The following MYH15 variants were observed in gnomAD, a reference collection of about 807,000 sequenced individuals.
The protein encoded by MYH15 is myosin-15.
Under a neutral mutation model 240.5 loss-of-function variants are expected in MYH15, and 227 were observed. That is an observed-to-expected ratio of 0.94 (90% CI 0.85 to 1.05). The LOEUF (loss-of-function observed/expected upper bound fraction) is 1.05. MYH15 is among the 50% of genes least tolerant of loss of function. The pLI is 0.00. For synonymous variants in MYH15, 785 were observed against 796.7 expected (o/e 0.99, Z 0.25); for missense variants, 2,217 against 2,247.5 (o/e 0.99, Z 0.27).
chr3:108,433,874 C>T (rs1167172015), intron 25 of MYH15, among the ~76,000 whole-genome samples: 1 of 152,082 alleles, frequency 6.6e-6, no homozygotes, highest in Non-Finnish European at 1.5e-5. Context: ...TAATGTCATA[C>T]CCAATCCCTG....
intron 35 of MYH15, among the ~76,000 whole-genome samples, chr3:108,396,747 A>G (rs1560314862): frequency 6.6e-6 from 1 of 152,244 alleles, no homozygotes; most frequent in East Asian, 1.9e-4. Context: ...CCTACAGACT[A>G]TTTGTTCTAT....
chr3:108,386,751 A>T (rs2082386708), intron 38 of MYH15, among the ~76,000 whole-genome samples: 3 of 152,000 alleles, frequency 2.0e-5, no homozygotes, highest in African/African-American at 2.4e-5. Flanking sequence ...TGGTTCCTAG[A>T]GAACCCTCTC....
intron 21 of MYH15, among the ~76,000 whole-genome samples, chr3:108,446,670 C>G (rs1038474145): frequency 6.6e-6 from 1 of 152,172 alleles, no homozygotes; most frequent in Non-Finnish European, 1.5e-5. Context: ...AATGCACAAA[C>G]AAACTGGACA....
upstream of MYH15, among the ~76,000 whole-genome samples, chr3:108,513,303 T>C (rs766725861): frequency 1.3e-5 from 2 of 152,178 alleles, no homozygotes; most frequent in Non-Finnish European, 2.9e-5. Flanking sequence ...CACATGTTTA[T>C]CGGAGAATTC....
At chr3:108,537,452 G>A in the MYH15 span, among the ~76,000 whole-genome samples, 1 of 152,200 alleles carries the variant, frequency 6.6e-6, no homozygotes, top group Non-Finnish European at 1.5e-5. Context: ...GGCCTTCAGG[G>A]TGATGATTAA....
intron 27 of MYH15, among the ~76,000 whole-genome samples, 174 bp from the exon 28 acceptor site, chr3:108,421,388 T>C (rs986680846): frequency 7.2e-5 from 11 of 152,160 alleles, no homozygotes; most frequent in Admixed American, 1.3e-4. Context: ...CAATTAACTC[T>C]AGGGTCTGGA....
Position 108,399,338 on chromosome 3 carries a change from A to C in MYH15, c.4737-71T>G, listed in dbSNP as rs1053941862. 4 of 1,231,874 alleles carry C rather than the reference A, an allele frequency of 3.2e-6. No homozygotes were observed. The African/African-American group carries it at 6.1e-5, about 19-fold the overall frequency. The allele number at this position is 1,231,874 out of a possible 1,614,324, so 76.3% of individuals were successfully genotyped here. A position where few individuals can be genotyped will look rare whatever the true frequency, so the allele number is the denominator to read the frequency against. ...TTAATCAAATTCACCTGCTATGTTT[A>C]AAACAGTACAAGAAACAGAAAAAGA... is the stretch of plus-strand genomic sequence containing the variant. On this transcript the variant is annotated intron_variant, in intron 33 of 40. Transcript: ENST00000693548.
In MYH15 at chr3:108,468,672, C is replaced by T. The variant is rs150449946; in HGVS notation, c.1554+1370G>A. 5.3e-5 allele frequency among the ~76,000 whole-genome samples: 8 copies of T among 152,228 alleles called. No individual in the cohort carries two copies. In the South Asian group the frequency reaches 8.3e-4, roughly 16 times the overall value. ...AGAAAATACAACAGGAAATTACATCCGTGATGCTAGTGTGTTATTTGGAAT... is the reference window on the plus strand; with the variant it reads ...AGAAAATACAACAGGAAATTACATCTGTGATGCTAGTGTGTTATTTGGAAT... On this transcript the variant is annotated intron_variant, in intron 14 of 40. Transcript: ENST00000693548.
chr3:108,471,749 T>C (rs529928244), intron 12 of MYH15, among the ~76,000 whole-genome samples: 10 of 152,288 alleles, frequency 6.6e-5, no homozygotes, highest in African/African-American at 2.2e-4. Flanking sequence ...CTCTCCCCTG[T>C]TGCAATATAT....
At position 108,522,097 on chromosome 3, in the gene MYH15, C is replaced by T. The variant is rs116567536; in HGVS notation, c.-58+7166G>A. Among the ~76,000 whole-genome samples the T allele has an allele frequency of 4.4e-3, 675 of 152,114 alleles. 8 individuals carry two copies. Among genetic ancestry groups the T allele is most frequent in the African/African-American group, 0.015 (618 of 41,492 alleles). ...CTGTTAATAGTAATAAGCCTGTTTC[C>T]ATTTTTGAAAGGTTGGGAGGGACAT... is the stretch of plus-strand genomic sequence containing the variant. On this transcript the variant is annotated intron_variant, in intron 1 of 41. Coordinates refer to the MYH15 transcript ENST00000273353.
rs200731611 is a variant in MYH15 at position 108,454,080 on chromosome 3, T to C, written c.2325A>G (p.Lys775=). The C allele has an allele frequency of 6.2e-6, 10 of 1,612,894 alleles. No homozygotes were observed. Among genetic ancestry groups the C allele is most frequent in the Non-Finnish European group, 8.5e-6 (10 of 1,179,278 alleles). ...LEAIRDERLS[K]VFTLFQARAQ... is the part of the protein sequence containing the mutation. ...CTCTGGCTTGGAACAATGTGAAGAC[T>C]TTAGATAGTCTCTCATCTCTTATTG... The change falls in exon 21 of 41, where the codon AAA becomes AAG. Residue 775 remains lysine (K), a synonymous_variant. Coordinates refer to ENST00000693548, the MANE Select transcript of MYH15 (RefSeq NM_014981.3).
intron 2 of MYH15, among the ~76,000 whole-genome samples, chr3:108,503,936 A>G (rs2107242091): frequency 6.6e-6 from 1 of 152,380 alleles, no homozygotes; most frequent in East Asian, 1.9e-4. Context: ...ACAACATGGT[A>G]TATCCATATA....
intron 29 of MYH15, among the ~76,000 whole-genome samples, chr3:108,415,512 T>C (rs1020121936): frequency 2.0e-5 from 3 of 152,134 alleles, no homozygotes; most frequent in South Asian, 2.1e-4. Context: ...TATTTAATTA[T>C]AGAAGTAAAC....
intron 36 of MYH15, 77 bp from the exon 37 acceptor site, chr3:108,392,007 C>T (rs1041456131): frequency 1.1e-5 from 16 of 1,509,496 alleles, no homozygotes; most frequent in East Asian, 2.3e-5. Context: ...ATCTTTAGTT[C>T]CTGGTCTGAC....
At chr3:108,517,149 AT>A (rs2083579977) in intron 1 of MYH15, among the ~76,000 whole-genome samples, 1 of 152,132 alleles carries the variant, frequency 6.6e-6, no homozygotes, top group Non-Finnish European at 1.5e-5. Context: ...CACAATACAA[AT>A]TGTGAGTATC....
chr3:108,501,890 C>G (rs748144805), intron 2 of MYH15, 35 bp from the exon 3 acceptor site: 41 of 1,601,708 alleles, frequency 2.6e-5, no homozygotes, highest in Non-Finnish European at 3.4e-5. Context: ...ATATATTCCC[C>G]TGTCTCCTAT....
chr3:108,528,413 T>C (rs1024945615), intron 1 of MYH15, among the ~76,000 whole-genome samples: 1 of 152,200 alleles, frequency 6.6e-6, no homozygotes, highest in African/African-American at 2.4e-5. Context: ...TTAAACTTCT[T>C]GCAATAGTCT....
chr3:108,510,452 C>T lies in MYH15; in HGVS notation c.79G>A (p.Ala27Thr). Reference protein sequence around the residue: ...EAELLLLQATALDGKKKCWIP... With the variant: ...EAELLLLQATTLDGKKKCWIP... ...CCACCACATGTCTCACCATCCAAGG[C>T]TGTGGCCTGTAGTAGAAGCAGCTCA... The change falls in exon 1 of 41, where the codon GCC becomes ACC. Residue 27 changes from alanine to threonine, a missense_variant. Physicochemically the swap from Ala to Thr is moderately conservative, Grantham distance 58. Coordinates refer to ENST00000693548, the MANE Select transcript of MYH15 (RefSeq NM_014981.3). 6.2e-7 allele frequency: 1 copy of T among 1,610,944 alleles called. No homozygotes were observed. Among genetic ancestry groups the T allele is most frequent in the Non-Finnish European group, 8.5e-7 (1 of 1,178,958 alleles).
In MYH15 at chr3:108,470,832, C is replaced by G. The variant is rs781328238; in HGVS notation, c.1249G>C (p.Gly417Arg). 3 of 1,613,336 alleles carry G rather than the reference C, an allele frequency of 1.9e-6. No homozygotes were observed. Among genetic ancestry groups the G allele is most frequent in the Non-Finnish European group, 2.5e-6 (3 of 1,179,582 alleles). Residue 417 changes from glycine (G) to arginine (R), a missense_variant, in exon 13 of 41, where the codon GGT becomes CGT. Gly to Arg is a moderately radical substitution (Grantham distance 125). Coordinates refer to ENST00000693548, the MANE Select transcript of MYH15 (RefSeq NM_014981.3). ...QTIEQVTCAVGALSKSMYERM... is the reference protein window; with the variant it reads ...QTIEQVTCAVRALSKSMYERM... ...TCATACATTGACTTGGACAGGGCACCGACAGCACAGGTTACCTAGAAATCA... is the reference window on the plus strand; with the variant it reads ...TCATACATTGACTTGGACAGGGCACGGACAGCACAGGTTACCTAGAAATCA...
Sources: gnomAD v4.1 joint callset for allele counts (sites outside exome capture counted in the v4.1 genomes callset) on GRCh38, gnomAD v4.1.1 for gene constraint, MANE v1.5 for transcripts, NCBI Gene and HGNC (gene_info 2026-07-23, HGNC 2026-07-21) for gene names.